The following TMPRSS11E variants were observed in gnomAD, a reference collection of about 807,000 sequenced individuals.
TMPRSS11E encodes the protein transmembrane serine protease 11E.
In TMPRSS11E, 38 loss-of-function variants were observed where a neutral mutation model predicts 48.1. The ratio of observed to expected loss-of-function variants is 0.79; its 90% CI spans 0.61 to 1.04. The LOEUF (loss-of-function observed/expected upper bound fraction) is 1.04. TMPRSS11E is among the 50% of genes least tolerant of loss of function. TMPRSS11E has a pLI of 0.00. For synonymous variants in TMPRSS11E, 158 were observed against 171.9 expected (o/e 0.92, Z 0.63); for missense variants, 530 against 510.8 (o/e 1.04, Z -0.36).
At chr4:68,480,421 T>C (rs1729370684) in intron 9 of TMPRSS11E, among the ~76,000 whole-genome samples, 2 of 152,108 alleles carry the variant, frequency 1.3e-5, no homozygotes, top group South Asian at 4.1e-4. Context: ...GTTAAGCCCG[T>C]CCAGTGAGTT....
chr4:68,486,963 C>A (rs1584874), intron 9 of TMPRSS11E, among the ~76,000 whole-genome samples: 4 of 152,000 alleles, frequency 2.6e-5, no homozygotes, highest in South Asian at 4.1e-4. Context: ...TTTTGTTTTT[C>A]ATTTGCTTGG....
chr4:68,472,223 G>T (rs1729092709), intron 5 of TMPRSS11E, among the ~76,000 whole-genome samples: 1 of 151,880 alleles, frequency 6.6e-6, no homozygotes, highest in Non-Finnish European at 1.5e-5. Context: ...TGGAAATTAA[G>T]ATCTGGCTAA....
intron 1 of TMPRSS11E, among the ~76,000 whole-genome samples, chr4:68,456,551 C>A (rs957243568): frequency 1.3e-5 from 2 of 151,854 alleles, no homozygotes; most frequent in Non-Finnish European, 2.9e-5. Flanking sequence ...TAGTCCTGTT[C>A]TAGAAAGTGT....
intron 1 of TMPRSS11E, among the ~76,000 whole-genome samples, 182 bp downstream of exon 1, chr4:68,447,705 G>A (rs1728379009): frequency 6.6e-6 from 1 of 151,678 alleles, no homozygotes; most frequent in African/African-American, 2.4e-5. Flanking sequence ...CTGTATTAGT[G>A]TTTCCTGTCC....
intron 9 of TMPRSS11E, among the ~76,000 whole-genome samples, chr4:68,489,964 A>T (rs557255290): frequency 1.1e-4 from 17 of 152,218 alleles, no homozygotes; most frequent in Non-Finnish European, 1.8e-4. Context: ...TGCAGGCTAG[A>T]ATTCTGTCTC....
intron 4 of TMPRSS11E, among the ~76,000 whole-genome samples, chr4:68,470,406 G>A (rs181448414): frequency 7.3e-4 from 111 of 151,934 alleles, no homozygotes; most frequent in Admixed American, 1.5e-3. Flanking sequence ...TCCTGACTGA[G>A]TAATATAAAT....
intron 9 of TMPRSS11E, among the ~76,000 whole-genome samples, chr4:68,493,031 G>T (rs1016154196): frequency 6.6e-6 from 1 of 151,528 alleles, no homozygotes; most frequent in East Asian, 1.9e-4. Context: ...CAACTATCTC[G>T]GTTTCTATAG....
chr4:68,488,141 G>A (rs1266363092), intron 9 of TMPRSS11E, among the ~76,000 whole-genome samples: 1 of 151,930 alleles, frequency 6.6e-6, no homozygotes, highest in Non-Finnish European at 1.5e-5. Flanking sequence ...GGCGTCTGGA[G>A]GATGGGTGTC....
At chr4:68,472,241 T>G (rs1037496) in intron 5 of TMPRSS11E, among the ~76,000 whole-genome samples, 97,339 of 151,484 alleles carry the variant, frequency 0.64, 31,455 homozygotes, top group East Asian at 0.85. Context: ...TAAGGGCTGG[T>G]TCATATGTTA....
At chr4:68,455,686 T>C (rs1212007229) in intron 1 of TMPRSS11E, among the ~76,000 whole-genome samples, 4 of 152,000 alleles carry the variant, frequency 2.6e-5, no homozygotes, top group Admixed American at 2.0e-4. Flanking sequence ...TCTGATACAC[T>C]TGCAGTGATA....
chr4:68,447,658 A>C (rs1728377600), intron 1 of TMPRSS11E, 135 bp downstream of exon 1: 1 of 702,276 alleles, frequency 1.4e-6, no homozygotes, highest in Admixed American at 2.9e-5. Flanking sequence ...TTGAGATTTT[A>C]CATAAAATTA....
At chr4:68,483,244 G>T (rs1729458488) in intron 9 of TMPRSS11E, among the ~76,000 whole-genome samples, 1 of 87,626 alleles carries the variant, frequency 1.1e-5, no homozygotes, top group Admixed American at 1.4e-4. Context: ...GGTGAAAGCA[G>T]GAGCGAGAGA....
intron 2 of TMPRSS11E, among the ~76,000 whole-genome samples, chr4:68,463,124 C>T (rs979773298): frequency 6.6e-6 from 1 of 152,120 alleles, no homozygotes; most frequent in African/African-American, 2.4e-5. Flanking sequence ...TACTCTGTAA[C>T]CTGGTTATCT....
At chr4:68,448,374 T>A (rs757518552) in intron 1 of TMPRSS11E, among the ~76,000 whole-genome samples, 4 of 151,972 alleles carry the variant, frequency 2.6e-5, no homozygotes, top group Admixed American at 6.6e-5. Context: ...TACTCTTCTG[T>A]ACATATCCAT....
chr4:68,457,409 G>A (rs1037196489), intron 1 of TMPRSS11E, among the ~76,000 whole-genome samples: 3 of 152,144 alleles, frequency 2.0e-5, no homozygotes, highest in African/African-American at 7.2e-5. Flanking sequence ...AGATGTTGGA[G>A]AGGATGTGGA....
intron 1 of TMPRSS11E, among the ~76,000 whole-genome samples, chr4:68,452,789 G>A (rs1199773906): frequency 1.3e-5 from 2 of 151,842 alleles, no homozygotes; most frequent in African/African-American, 2.4e-5. Flanking sequence ...TAATTATATA[G>A]TACATTCAAG....
At chr4:68,468,998 C>A in intron 4 of TMPRSS11E, 52 bp downstream of exon 4, 1 of 1,295,388 alleles carries the variant, frequency 7.7e-7, no homozygotes, top group Non-Finnish European at 1.1e-6. Context: ...AGCTGTTAAT[C>A]TGCTCAGCAA....
intron 9 of TMPRSS11E, among the ~76,000 whole-genome samples, 172 bp from the exon 10 acceptor site, chr4:68,496,471 G>T (rs1470604192): frequency 6.6e-6 from 1 of 152,012 alleles, no homozygotes; most frequent in Non-Finnish European, 1.5e-5. Context: ...AGGTATTGGA[G>T]GTCCTCTTTT....
At chr4:68,485,439 G>A (rs1291696844) in intron 9 of TMPRSS11E, among the ~76,000 whole-genome samples, 1 of 152,128 alleles carries the variant, frequency 6.6e-6, no homozygotes, top group African/African-American at 2.4e-5. Context: ...GAGCCACCGT[G>A]CCCAGCCATA....
Sources: allele counts gnomAD v4.1 joint callset (sites outside exome capture counted in the v4.1 genomes callset), GRCh38; gene constraint gnomAD v4.1.1; transcripts MANE v1.5; gene names NCBI Gene and HGNC (gene_info 2026-07-23, HGNC 2026-07-21).